Variants in LMNB2 observed in about 807,000 individuals in gnomAD.
LMNB2 encodes lamin-B2.
LMNB2 carries 17 observed loss-of-function variants against 69.3 expected under a neutral mutation model. The ratio of observed to expected loss-of-function variants is 0.25; its 90% confidence interval spans 0.17 to 0.37. LMNB2 has a LOEUF of 0.37. LMNB2 is among the 10% of genes least tolerant of loss of function. The probability of loss-of-function intolerance (pLI) is 1.00; values close to 1 mark genes in which losing one functional copy is unlikely to be tolerated. For missense variants in LMNB2, 789 were observed against 883.6 expected (o/e 0.89, Z 1.36); for synonymous variants, 397 against 389.3 (o/e 1.02, Z -0.23).
At chr19:2,431,962 A>G (rs1971746723) in intron 9 of LMNB2, 60 bp from the exon 10 acceptor site, 2 of 1,561,028 alleles carry the variant, frequency 1.3e-6, no homozygotes, top group South Asian at 2.3e-5. Context: ...GACGTGGGCC[A>G]GCCAGTGGCC....
At chr19:2,434,129 G>A (rs1971787247) in intron 7 of LMNB2, 24 bp from the exon 8 acceptor site, 1 of 1,571,076 alleles carries the variant, frequency 6.4e-7, no homozygotes, top group South Asian at 1.1e-5. Context: ...AAGGAAGGTG[G>A]GACTGGTAGT....
chr19:2,451,722 G>T (rs1972024130), intron 1 of LMNB2, among the ~76,000 whole-genome samples: 1 of 152,032 alleles, frequency 6.6e-6, no homozygotes, highest in Non-Finnish European at 1.5e-5. Flanking sequence ...GATGGCCTTT[G>T]CCTGGGACCC....
rs771408741 is a variant in LMNB2 at position 2,433,808 on chromosome 19, C to T, written c.1482+18G>A. The T allele has an allele frequency of 2.2e-5, 35 of 1,612,964 alleles. No homozygotes were observed. Among genetic ancestry groups the T allele is most frequent in the Non-Finnish European group, 3.0e-5 (35 of 1,179,846 alleles). ...CTGGGTCACCCCGTTACCCCCATGC[C>T]CCGGTCTTTCCGGTCACCTTGTCCG... On this transcript the variant is annotated intron_variant, in intron 8 of 11. Transcript: ENST00000325327.
Position 2,447,296 on chromosome 19 carries a change from T to A in LMNB2, c.265-2756A>T, listed in dbSNP as rs1391899758. 6.6e-6 allele frequency among the ~76,000 whole-genome samples: 1 copy of A among 152,146 alleles called. No individual in the cohort carries two copies. Among genetic ancestry groups the A allele is most frequent in the Non-Finnish European group, 1.5e-5 (1 of 68,030 alleles). Reference sequence around the variant, plus strand: ...ACAGTGTGGATGCCCCTTGAGGATGTCACACTCATGAGACGCCAGACACAA... The same window carrying A: ...ACAGTGTGGATGCCCCTTGAGGATGACACACTCATGAGACGCCAGACACAA... On this transcript the variant is annotated intron_variant, in intron 1 of 11. Transcript: ENST00000325327. The surrounding 1 kb of genome is among the most constrained non-coding windows in gnomAD (Gnocchi z 4.4).
intron 1 of LMNB2, 66 bp downstream of exon 1, chr19:2,456,604 C>G: frequency 7.5e-7 from 1 of 1,331,098 alleles, no homozygotes; most frequent in Non-Finnish European, 9.6e-7. Flanking sequence ...CCCGCGATCG[C>G]GCGCCCCGCG....
Position 2,433,842 on chromosome 19 carries a change from T to C in LMNB2, c.1466A>G (p.Lys489Arg), listed in dbSNP as rs1390654917. ...TCCGGTCACCTTGTCCGAGTTGTTC[T>C]TGAGCTGCACAAACTTGCCCTCCAG... ...IDLEGKFVQL[K>R]NNSDKDQSLG... Residue 489 changes from lysine to arginine, a missense_variant, in exon 8 of 12, where the codon AAG (lysine) becomes AGG (arginine). Transcript: ENST00000325327. The C allele has an allele frequency of 1.2e-6, 2 of 1,613,354 alleles. No individual in the cohort carries two copies. Among genetic ancestry groups the C allele is most frequent in the East Asian group, 2.2e-5 (1 of 44,870 alleles).
intron 1 of LMNB2, among the ~76,000 whole-genome samples, chr19:2,455,639 C>CT (rs2145477884): frequency 6.6e-6 from 1 of 152,244 alleles, no homozygotes; most frequent in Non-Finnish European, 1.5e-5. Flanking sequence ...CCTGGGACCC[C>CT]CTCCATAGGT....
chr19:2,431,008 CGGCAGGTAGAT>C (rs1971732817), intron 11 of LMNB2, 56 bp from the exon 12 acceptor site: 1 of 1,228,540 alleles, frequency 8.1e-7, no homozygotes, highest in African/African-American at 1.5e-5. Flanking sequence ...TGGAGGCAGC[CGGCAGGTAGAT>C]GGCTGCCCCC....
In LMNB2 at chr19:2,447,774, C is replaced by T. The variant is rs932459975; in HGVS notation, c.265-3234G>A. 6.6e-6 allele frequency among the ~76,000 whole-genome samples: 1 copy of T among 152,170 alleles called. No homozygotes were observed. The highest frequency in any genetic ancestry group is 1.5e-5 in the Non-Finnish European group (1 of 68,012). On this transcript the variant is annotated intron_variant, in intron 1 of 11. Transcript: ENST00000325327. This position sits in a 1 kb window ranked among gnomAD's most constrained non-coding sequence, Gnocchi z 4.4. ...AGGCTCCTGTGCAGAGGGCTGGGGG[C>T]CTGCCAGGACGCACCCCTTGGCAGT... is the stretch of plus-strand genomic sequence containing the variant.
chr19:2,456,097 G>A (rs1972084869), intron 1 of LMNB2, among the ~76,000 whole-genome samples: 1 of 151,076 alleles, frequency 6.6e-6, no homozygotes, highest in Non-Finnish European at 1.5e-5. Context: ...AGTCCCCCGC[G>A]ATCGCGCGCC....
chr19:2,431,458 A>C, intron 11 of LMNB2, 90 bp downstream of exon 11: 2 of 1,562,024 alleles, frequency 1.3e-6, no homozygotes, highest in South Asian at 2.2e-5. Context: ...CCCGTCGGGG[A>C]TGCGGCCAGC....
At position 2,444,520 on chromosome 19, in the gene LMNB2, C is replaced by A. The variant is rs753520973; in HGVS notation, c.285G>T (p.Leu95=). 5.0e-6 allele frequency: 8 copies of A among 1,611,386 alleles called. No homozygotes were observed. Among genetic ancestry groups the A allele is most frequent in the Non-Finnish European group, 5.1e-6 (6 of 1,180,026 alleles). ...GGGCATCGGCCAGCTCCGACTCGTACAGCGCCTTGATGCCACTCACCTGGG... is the reference window on the plus strand; with the variant it reads ...GGGCATCGGCCAGCTCCGACTCGTAAAGCGCCTTGATGCCACTCACCTGGG... ...TTREVSGIKA[L]YESELADARR... is the part of the protein sequence containing the mutation. The change falls in exon 2 of 12, where the codon CTG becomes CTT. Residue 95 remains leucine, a synonymous_variant. Coordinates refer to ENST00000325327, the MANE Select transcript of LMNB2 (RefSeq NM_032737.4).
At chr19:2,451,317 G>C (rs985213622) in intron 1 of LMNB2, among the ~76,000 whole-genome samples, 1 of 152,234 alleles carries the variant, frequency 6.6e-6, no homozygotes, top group Non-Finnish European at 1.5e-5. Flanking sequence ...GCACTTCACA[G>C]TTCCATGTGT....
chr19:2,448,902 T>G (rs1352409900), intron 1 of LMNB2, among the ~76,000 whole-genome samples: 2 of 152,130 alleles, frequency 1.3e-5, no homozygotes, highest in Non-Finnish European at 2.9e-5. Flanking sequence ...TTCTTGTGTT[T>G]ATTTACTTAT....
intron 2 of LMNB2, among the ~76,000 whole-genome samples, chr19:2,441,570 G>A (rs1375880772): frequency 6.6e-6 from 1 of 152,336 alleles, no homozygotes; most frequent in Admixed American, 6.5e-5. Context: ...GCAGGGGTTT[G>A]GGGGAAGGTG....
intron 1 of LMNB2, among the ~76,000 whole-genome samples, chr19:2,454,776 C>G (rs1278636233): frequency 6.6e-6 from 1 of 152,138 alleles, no homozygotes; most frequent in Non-Finnish European, 1.5e-5. Context: ...GCCTGCCCCC[C>G]GTTCTGGAGT....
chr19:2,451,775 G>A lies in LMNB2; in HGVS notation c.264+4895C>T, dbSNP rs914854098. 5.9e-5 allele frequency among the ~76,000 whole-genome samples: 9 copies of A among 152,138 alleles called. No homozygotes were observed. In the East Asian group the frequency reaches 1.7e-3, roughly 29 times the overall value. On this transcript the variant is annotated intron_variant, in intron 1 of 11. Transcript: ENST00000325327. ...GCATAACTCGGCTGGAGGAGGCCAC[G>A]GTGGGACAAAATGGCCCGGCTAAGA...
In LMNB2 at chr19:2,456,632, G is replaced by A. The variant is rs1298548061; in HGVS notation, c.264+38C>T. On this transcript the variant is annotated intron_variant, in intron 1 of 11. Transcript: ENST00000325327. ...GCCCCGCGGTGGGCGGGGCCTGCCG[G>A]CTGCACCCCCGCCCGGCCCCTAAGC... 3.5e-6 allele frequency: 5 copies of A among 1,436,110 alleles called. No individual in the cohort carries two copies. In the African/African-American group the frequency reaches 7.5e-5, roughly 21 times the overall value. 89.0% of individuals were successfully genotyped at this position (1,436,110 alleles called of 1,614,324 possible).
In LMNB2 at chr19:2,430,599, C is replaced by T. The variant is rs988110417; in HGVS notation, c.*312G>A. On this transcript the variant is annotated 3_prime_UTR_variant, in exon 12 of 12. Transcript: ENST00000325327. ...TCTCCTGTCCCCTCGCTAGCCTCGC[C>T]GGCCCTCCTCCCTCCAAGCCCAAGC... The T allele has an allele frequency of 1.3e-4, 63 of 467,766 alleles. 1 individual carries two copies. The highest frequency in any genetic ancestry group is 9.8e-4 in the South Asian group (47 of 47,870). 29.0% of individuals were successfully genotyped at this position (467,766 alleles called of 1,614,324 possible). A position where few individuals can be genotyped will look rare whatever the true frequency, so the allele number is the denominator to read the frequency against.
Sources: allele counts gnomAD v4.1 joint callset (sites outside exome capture counted in the v4.1 genomes callset), GRCh38; gene constraint gnomAD v4.1.1; non-coding constraint Gnocchi (gnomAD v3.1); transcripts MANE v1.5; gene names NCBI Gene and HGNC (gene_info 2026-07-23, HGNC 2026-07-21).